Variants in CRACD observed in about 807,000 individuals in gnomAD.
CRACD encodes the protein capping protein inhibiting regulator of actin dynamics, also known as capping protein-inhibiting regulator of actin dynamics.
A neutral mutation model predicts 106.8 loss-of-function variants in CRACD; 56 were observed. That is an observed-to-expected ratio of 0.52 (90% CI 0.42 to 0.66). CRACD has a LOEUF of 0.66. Among genes scored for constraint, CRACD ranks in the 30% least tolerant of loss-of-function variants. The pLI is 0.00. For synonymous variants in CRACD, 754 were observed against 670.8 expected (o/e 1.12, Z -1.92); for missense variants, 1,730 against 1,623.2 (o/e 1.07, Z -1.13).
At chr4:56,137,610 G>A (rs965016808) in intron 1 of CRACD, among the ~76,000 whole-genome samples, 1 of 152,238 alleles carries the variant, frequency 6.6e-6, no homozygotes, top group Non-Finnish European at 1.5e-5. Context: ...GACAAATCTG[G>A]TATCTCTCTT....
At chr4:56,195,590 G>A (rs1282169783) in intron 2 of CRACD, among the ~76,000 whole-genome samples, 1 of 152,142 alleles carries the variant, frequency 6.6e-6, no homozygotes, top group African/African-American at 2.4e-5. Context: ...AAATGGAAAT[G>A]TTTCATAACT....
At chr4:56,105,058 T>G (rs1457472560) in intron 1 of CRACD, among the ~76,000 whole-genome samples, 1 of 152,074 alleles carries the variant, frequency 6.6e-6, no homozygotes, top group East Asian at 1.9e-4. Flanking sequence ...TACTTGCCTG[T>G]AGAATATTAT....
intron 2 of CRACD, among the ~76,000 whole-genome samples, chr4:56,197,107 T>A (rs1457944033): frequency 6.6e-6 from 1 of 152,218 alleles, no homozygotes; most frequent in African/African-American, 2.4e-5. Context: ...TATCATAATA[T>A]ATTACATTGA....
At position 56,283,142 on chromosome 4, in the gene CRACD, C is replaced by T. The variant is rs554283371; in HGVS notation, c.-17+10650C>T. On this transcript the variant is annotated intron_variant, in intron 3 of 10. Coordinates refer to ENST00000682029, the MANE Select transcript of CRACD (RefSeq NM_001393381.1). ...ATAGGTATGAGCATAGAGCACTGGG[C>T]CTGGGTTTCAGCATCCCAGGACCAT... Among the ~76,000 whole-genome samples, 14 of 152,242 alleles carry T rather than the reference C, an allele frequency of 9.2e-5. 1 individual carries two copies. The highest frequency in any genetic ancestry group is 7.8e-4 in the Admixed American group (12 of 15,304).
chr4:56,169,230 G>A (rs73155158), intron 1 of CRACD, among the ~76,000 whole-genome samples: 134 of 152,260 alleles, frequency 8.8e-4, no homozygotes, highest in African/African-American at 3.1e-3. Context: ...CTGATTTAGA[G>A]GAAATGAAAA....
intron 1 of CRACD, among the ~76,000 whole-genome samples, chr4:56,075,886 T>C (rs1732824141): frequency 6.6e-6 from 1 of 152,188 alleles, no homozygotes; most frequent in Non-Finnish European, 1.5e-5. Flanking sequence ...CACATTTTGC[T>C]GAGTTTCTGT....
intron 10 of CRACD, among the ~76,000 whole-genome samples, chr4:56,326,283 C>T (rs1310073975): frequency 6.6e-6 from 1 of 152,050 alleles, no homozygotes; most frequent in African/African-American, 2.4e-5. Flanking sequence ...GGCATTATGT[C>T]ATTTGATTTT....
chr4:56,053,063 A>G (rs1180673044), intron 1 of CRACD, among the ~76,000 whole-genome samples: 1 of 152,168 alleles, frequency 6.6e-6, no homozygotes, highest in Non-Finnish European at 1.5e-5. Flanking sequence ...GAGTCAATTA[A>G]TTGGTCATTT....
At position 56,199,681 on chromosome 4, in the gene CRACD, C is replaced by CAAAAAAAAAAA. The variant is rs372264328; in HGVS notation, c.-189+20253_-189+20263dup. ...TAGGCAACAGAGCGAAACTCCGTCTCAAAAAAAAAAAAGAAAAGAAAAAAA... is the reference window on the plus strand; with the variant it reads ...TAGGCAACAGAGCGAAACTCCGTCTCAAAAAAAAAAAAAAAAAAAAAAAGAAAAGAAAAAAA... On this transcript the variant is annotated intron_variant, in intron 2 of 10. Transcript: ENST00000682029. Among the ~76,000 whole-genome samples, 20 of 101,074 alleles carry CAAAAAAAAAAA rather than the reference C, an allele frequency of 2.0e-4. 1 individual carries two copies. Among genetic ancestry groups the CAAAAAAAAAAA allele is most frequent in the Admixed American group, 3.3e-4 (3 of 9,088 alleles). 66.3% of individuals were successfully genotyped at this position (101,074 alleles called of 152,430 possible).
chr4:56,310,798 C>G (rs1232205297), intron 6 of CRACD, 64 bp downstream of exon 6: 107 of 804,728 alleles, frequency 1.3e-4, no homozygotes, highest in Non-Finnish European at 1.8e-4. Flanking sequence ...TTCCCCCCCC[C>G]TTTTTTTTTT....
chr4:56,296,174 G>A (rs1220521365), intron 3 of CRACD, among the ~76,000 whole-genome samples: 1 of 152,052 alleles, frequency 6.6e-6, no homozygotes, highest in Non-Finnish European at 1.5e-5. Context: ...GCAGCTGGCT[G>A]GCATGAGATT....
At chr4:56,238,414 A>C (rs779716275) in intron 2 of CRACD, among the ~76,000 whole-genome samples, 4 of 152,214 alleles carry the variant, frequency 2.6e-5, no homozygotes, top group African/African-American at 7.2e-5. Context: ...TTGTGTCCCA[A>C]TAGAGCTGCA....
At chr4:56,188,938 G>A (rs1408447296) in intron 2 of CRACD, among the ~76,000 whole-genome samples, 2 of 152,092 alleles carry the variant, frequency 1.3e-5, no homozygotes, top group Non-Finnish European at 2.9e-5. Context: ...TCGGAAGGCC[G>A]AAGCGGGTGG....
At chr4:56,109,013 A>C (rs749730429) in intron 1 of CRACD, among the ~76,000 whole-genome samples, 3 of 152,126 alleles carry the variant, frequency 2.0e-5, no homozygotes, top group Non-Finnish European at 2.9e-5. Flanking sequence ...GGTGGAGCAG[A>C]GTGTTCTCTG....
chr4:56,116,950 C>T (rs1035399230), intron 1 of CRACD, among the ~76,000 whole-genome samples: 10 of 151,804 alleles, frequency 6.6e-5, no homozygotes, highest in African/African-American at 1.9e-4. Context: ...TCAGGTGATC[C>T]GCCCACCTCT....
intron 1 of CRACD, among the ~76,000 whole-genome samples, chr4:56,066,210 G>A (rs983070526): frequency 3.3e-5 from 5 of 152,116 alleles, no homozygotes; most frequent in African/African-American, 1.2e-4. Context: ...GTGGCTCTCC[G>A]TAACACCCCC....
At chr4:56,083,022 TAGAG>T (rs929052620) in intron 1 of CRACD, among the ~76,000 whole-genome samples, 11 of 152,038 alleles carry the variant, frequency 7.2e-5, no homozygotes, top group Admixed American at 1.3e-4. Flanking sequence ...TGTGCAGAAT[TAGAG>T]AGAGAAGGGG....
rs906329220 is a variant in CRACD, at chr4:56,328,777, G to A, written c.*973G>A. ...AATGCAATCTAATTTTTCAGACTTC[G>A]AAGGGGAGGCTCATTCACTCAAAAA... On this transcript the variant is annotated 3_prime_UTR_variant, in exon 11 of 11. Transcript: ENST00000682029. Among the ~76,000 whole-genome samples the A allele has an allele frequency of 2.6e-5, 4 of 152,240 alleles. No individual in the cohort carries two copies. The East Asian group carries it at 7.7e-4, about 29-fold the overall frequency.
chr4:56,076,549 A>C (rs1732844438), intron 1 of CRACD, among the ~76,000 whole-genome samples: 1 of 152,192 alleles, frequency 6.6e-6, no homozygotes, highest in Admixed American at 6.5e-5. Context: ...GAACCTCAGA[A>C]TTGCTCTGTA....
Sources: gnomAD v4.1 joint callset for allele counts (sites outside exome capture counted in the v4.1 genomes callset) on GRCh38, gnomAD v4.1.1 for gene constraint, MANE v1.5 for transcripts, NCBI Gene and HGNC (gene_info 2026-07-23, HGNC 2026-07-21) for gene names.